The following PAMR1 variants were observed in gnomAD, a reference collection of about 807,000 sequenced individuals.
PAMR1 encodes the protein inactive serine protease PAMR1.
PAMR1 carries 88 observed loss-of-function variants against 81.8 expected under a neutral mutation model. That is an observed-to-expected ratio of 1.08 (90% CI 0.91 to 1.28). PAMR1 has a LOEUF of 1.28. Among genes scored for constraint, PAMR1 ranks in the 50% most tolerant of loss-of-function variants. PAMR1 has a pLI of 0.00. For synonymous variants in PAMR1, 336 were observed against 345.3 expected, an observed-to-expected ratio of 0.97 and a Z score of 0.30; for missense variants, 935 against 919.7, an observed-to-expected ratio of 1.02 and a Z score of -0.21.
chr11:35,472,338 A>G (rs892326050), intron 4 of PAMR1, among the ~76,000 whole-genome samples: 1 of 152,276 alleles, frequency 6.6e-6, no homozygotes, highest in East Asian at 1.9e-4. Flanking sequence ...TCATGCATTC[A>G]TTTGTCCATT....
At chr11:35,526,847 T>C (rs370044332), upstream of PAMR1, among the ~76,000 whole-genome samples, 1 of 152,164 alleles carries the variant, frequency 6.6e-6, no homozygotes, top group South Asian at 2.1e-4. Flanking sequence ...GTGGAGATAA[T>C]TGAATCATGG....
intron 6 of PAMR1, among the ~76,000 whole-genome samples, chr11:35,454,678 G>T (rs1252998574): frequency 6.6e-6 from 1 of 152,128 alleles, no homozygotes; most frequent in Non-Finnish European, 1.5e-5. Context: ...CTCCTGGAGG[G>T]GATGATATCA....
At chr11:35,498,625 G>T (rs778602773) in intron 1 of PAMR1, among the ~76,000 whole-genome samples, 21 of 152,146 alleles carry the variant, frequency 1.4e-4, no homozygotes, top group Non-Finnish European at 2.2e-4. Flanking sequence ...CATCGCTTTT[G>T]CAGTAACCCT....
At position 35,432,912 on chromosome 11, in the gene PAMR1, G is replaced by T. The variant is rs756327800; in HGVS notation, c.1627-20C>A. The T allele has an allele frequency of 4.0e-5, 62 of 1,546,824 alleles. No individual in the cohort carries two copies. Among genetic ancestry groups the T allele is most frequent in the Non-Finnish European group, 5.0e-5 (58 of 1,149,558 alleles). ...AGAAATCTACAAATGCAAGGAATGG[G>T]CAGCAATGGTGAGGAGCCAGCTCCA... On this transcript the variant is annotated intron_variant, in intron 10 of 10. Coordinates refer to ENST00000619888, the MANE Select transcript of PAMR1 (RefSeq NM_001001991.3).
upstream of PAMR1, among the ~76,000 whole-genome samples, chr11:35,528,387 C>T (rs1230342030): frequency 6.6e-6 from 1 of 152,140 alleles, no homozygotes; most frequent in East Asian, 1.9e-4. Flanking sequence ...CATTAGGACC[C>T]CCATTTATTT....
chr11:35,475,435 C>G (rs1156738423), intron 3 of PAMR1, among the ~76,000 whole-genome samples: 1 of 152,122 alleles, frequency 6.6e-6, no homozygotes, highest in Non-Finnish European at 1.5e-5. Flanking sequence ...GAAGTAGGGG[C>G]CCAAAACCCT....
At chr11:35,530,039 C>T (rs1470635853), upstream of PAMR1, 1 of 152,238 alleles carries the variant, frequency 6.6e-6, no homozygotes, top group East Asian at 1.9e-4. Context: ...GCTATCACTT[C>T]TGCAGATCAG....
At chr11:35,518,025 G>A (rs1851199393) in intron 1 of PAMR1, among the ~76,000 whole-genome samples, 1 of 152,246 alleles carries the variant, frequency 6.6e-6, no homozygotes, top group South Asian at 2.1e-4. Flanking sequence ...TATTTTTGTT[G>A]ACTGCAATTT....
intron 1 of PAMR1, among the ~76,000 whole-genome samples, chr11:35,517,545 G>A (rs1343362029): frequency 1.3e-5 from 2 of 152,202 alleles, no homozygotes; most frequent in Admixed American, 1.3e-4. Context: ...AAGAGGCTCT[G>A]TGGTCAAACA....
intron 1 of PAMR1, among the ~76,000 whole-genome samples, chr11:35,498,870 C>T (rs1013186815): frequency 2.0e-5 from 3 of 152,184 alleles, no homozygotes; most frequent in East Asian, 3.8e-4. Context: ...CACACCCCTT[C>T]GATCCCATCC....
chr11:35,523,932 C>G (rs16927622), intron 1 of PAMR1, among the ~76,000 whole-genome samples: 52,576 of 152,048 alleles, frequency 0.35, 9,359 homozygotes, highest in Non-Finnish European at 0.37. Flanking sequence ...GGAAAAAGAG[C>G]CAGCTCAGGT....
chr11:35,507,401 C>A (rs151203351), intron 1 of PAMR1, among the ~76,000 whole-genome samples: 1 of 128,688 alleles, frequency 7.8e-6, no homozygotes, highest in African/African-American at 3.0e-5. Flanking sequence ...ATCCATTCTG[C>A]TGTTGAAAGC....
rs1339106148 is a variant in PAMR1, at chr11:35,432,527, C to T, written c.1992G>A (p.Glu664=). The T allele has an allele frequency of 6.2e-7, 1 of 1,614,250 alleles. No homozygotes were observed. The highest frequency in any genetic ancestry group is 8.5e-7 in the Non-Finnish European group (1 of 1,180,048). ...AGGACACAGCCGCGATGCCTCCTGTCTCTGCAGTGCAGATATCAGAAGGGG... is the reference window on the plus strand; with the variant it reads ...AGGACACAGCCGCGATGCCTCCTGTTTCTGCAGTGCAGATATCAGAAGGGG... ...PTAPSDICTA[E]TGGIAAVSFP... Residue 664 remains glutamate (E), a synonymous_variant, in exon 11 of 11, where the codon GAG becomes GAA. Coordinates refer to ENST00000619888, the MANE Select transcript of PAMR1 (RefSeq NM_001001991.3).
rs181247953 is a variant in PAMR1, at chr11:35,495,448, A to G, written c.74-1176T>C. Among the ~76,000 whole-genome samples, 18 of 152,300 alleles carry G rather than the reference A, an allele frequency of 1.2e-4. 1 individual carries two copies. Among genetic ancestry groups the G allele is most frequent in the Admixed American group, 1.1e-3 (17 of 15,300 alleles). On this transcript the variant is annotated intron_variant, in intron 1 of 10. Transcript: ENST00000619888. ...CCATCTGGCAAAACCTATAAGAGGA[A>G]TCAGTCAGAGGCTGCCCAGAAGAAG...
intron 3 of PAMR1, among the ~76,000 whole-genome samples, chr11:35,483,670 T>C (rs1156532355): frequency 7.2e-5 from 11 of 152,186 alleles, no homozygotes; most frequent in Non-Finnish European, 1.5e-4. Context: ...TAAATTCTTT[T>C]AGATTTCATA....
intron 1 of PAMR1, among the ~76,000 whole-genome samples, chr11:35,507,190 G>A (rs761649378): frequency 3.4e-4 from 51 of 151,690 alleles, no homozygotes; most frequent in East Asian, 2.1e-3. Context: ...TGGGATTATC[G>A]GCATGCACCA....
chr11:35,457,379 T>C (rs1856558209), intron 6 of PAMR1, among the ~76,000 whole-genome samples: 3 of 152,150 alleles, frequency 2.0e-5, no homozygotes, highest in Admixed American at 2.0e-4. Flanking sequence ...GTCTACACTA[T>C]TGGATCTCCA....
intron 1 of PAMR1, among the ~76,000 whole-genome samples, chr11:35,509,379 C>G (rs1480122095): frequency 6.6e-6 from 1 of 152,150 alleles, no homozygotes; most frequent in African/African-American, 2.4e-5. Context: ...TGTGGAAGGG[C>G]CACATTGGCC....
intron 1 of PAMR1, among the ~76,000 whole-genome samples, chr11:35,514,183 G>A (rs1430340490): frequency 6.6e-6 from 1 of 152,212 alleles, no homozygotes; most frequent in East Asian, 1.9e-4. Flanking sequence ...GATTGTTGAT[G>A]TCACTGCAGT....
Sources: gnomAD v4.1 joint callset for allele counts (sites outside exome capture counted in the v4.1 genomes callset) on GRCh38, gnomAD v4.1.1 for gene constraint, MANE v1.5 for transcripts, NCBI Gene and HGNC (gene_info 2026-07-23, HGNC 2026-07-21) for gene names.